The following PHIP variants were observed in gnomAD, a reference collection of about 807,000 sequenced individuals.
The protein encoded by PHIP is PH-interacting protein.
In PHIP, 54 loss-of-function variants were observed where a neutral mutation model predicts 236.8. The ratio of observed to expected loss-of-function variants is 0.23; its 90% confidence interval spans 0.18 to 0.29. The LOEUF (loss-of-function observed/expected upper bound fraction) is 0.29. Ranked by LOEUF, PHIP falls within the 10% of genes least tolerant of loss-of-function variation. The pLI is 1.00. For synonymous variants in PHIP, 756 were observed against 718.9 expected (o/e 1.05, Z -0.83); for missense variants, 1,370 against 2,190.8 (o/e 0.63, Z 7.48).
rs973599489 is a variant in PHIP at position 79,026,250 on chromosome 6, C to T, written c.601-86G>A. On this transcript the variant is annotated intron_variant, in intron 7 of 39. Transcript: ENST00000275034. ...CACTGATAAATCTACCTGTTCTGTC[C>T]ACTTCTGAACAAGTATATTTTTAAA... 1.8e-5 allele frequency: 16 copies of T among 901,482 alleles called. No individual in the cohort carries two copies. In the Middle Eastern group the frequency reaches 2.4e-3, roughly 134 times the overall value. The allele number at this position is 901,482 out of a possible 1,614,324, so 55.8% of individuals were successfully genotyped here.
chr6:78,988,406 T>C, intron 20 of PHIP, 57 bp from the exon 21 acceptor site: 2 of 1,323,284 alleles, frequency 1.5e-6, no homozygotes, highest in Non-Finnish European at 2.0e-6. Flanking sequence ...GGATTTTTAG[T>C]TTAAAAGTTA....
At chr6:79,075,805 G>A (rs1168290579) in intron 4 of PHIP, among the ~76,000 whole-genome samples, 3 of 152,086 alleles carry the variant, frequency 2.0e-5, no homozygotes, top group Admixed American at 2.0e-4. Context: ...GAGATGCACA[G>A]ATGTAAAAGC....
At chr6:79,043,061 C>T in intron 6 of PHIP, 58 bp from the exon 7 acceptor site, 3 of 1,420,146 alleles carry the variant, frequency 2.1e-6, no homozygotes, top group Non-Finnish European at 3.0e-6. Flanking sequence ...CTTACATGAT[C>T]ACCTTTTAAG....
At chr6:79,029,288 G>GAA (rs1224241701) in intron 7 of PHIP, among the ~76,000 whole-genome samples, 5 of 152,016 alleles carry the variant, frequency 3.3e-5, no homozygotes, top group Non-Finnish European at 7.4e-5. Flanking sequence ...TTTTCCAACA[G>GAA]AACTGCAAGC....
chr6:79,068,928 T>C (rs1010109468), intron 4 of PHIP, among the ~76,000 whole-genome samples: 2 of 152,058 alleles, frequency 1.3e-5, no homozygotes, highest in Non-Finnish European at 2.9e-5. Context: ...TTTGTCTAAC[T>C]AGGCTTTCAC....
chr6:78,985,055 T>G (rs1461879478), intron 22 of PHIP, among the ~76,000 whole-genome samples: 1 of 152,142 alleles, frequency 6.6e-6, no homozygotes, highest in Non-Finnish European at 1.5e-5. Flanking sequence ...CTTAACTTCA[T>G]ACTTTTCAAA....
At chr6:78,959,798 T>C (rs1766657502) in intron 31 of PHIP, among the ~76,000 whole-genome samples, 1 of 152,170 alleles carries the variant, frequency 6.6e-6, no homozygotes, top group Admixed American at 6.6e-5. Flanking sequence ...GAAATACAGA[T>C]GTTCCTCAAC....
chr6:78,954,770 G>A (rs1562121928), intron 35 of PHIP, 44 bp downstream of exon 35: 2 of 1,301,354 alleles, frequency 1.5e-6, no homozygotes, highest in Admixed American at 2.4e-5. Context: ...TAAAAGGTAT[G>A]TAGCAAACTG....
At chr6:79,074,652 T>C (rs1774061247) in intron 4 of PHIP, among the ~76,000 whole-genome samples, 1 of 152,140 alleles carries the variant, frequency 6.6e-6, no homozygotes, top group South Asian at 2.1e-4. Flanking sequence ...TTAAGGTAGA[T>C]GGTGATAATC....
intron 6 of PHIP, among the ~76,000 whole-genome samples, chr6:79,050,085 TTA>T (rs1220386523): frequency 1.3e-5 from 2 of 151,390 alleles, no homozygotes; most frequent in Admixed American, 6.6e-5. Context: ...TGGTTTAGAG[TTA>T]TGAGAGGTTT....
At chr6:78,971,165 T>A (rs1767517169) in intron 24 of PHIP, among the ~76,000 whole-genome samples, 1 of 152,204 alleles carries the variant, frequency 6.6e-6, no homozygotes, top group South Asian at 2.1e-4. Flanking sequence ...AATAAGTTAA[T>A]CTATGTTGCA....
chr6:79,041,662 C>T (rs1772221059), intron 7 of PHIP, among the ~76,000 whole-genome samples: 1 of 152,014 alleles, frequency 6.6e-6, no homozygotes, highest in Non-Finnish European at 1.5e-5. Flanking sequence ...TTTTCGATTA[C>T]TATTTGAGAG....
chr6:78,959,180 A>G lies in PHIP; in HGVS notation c.3657-580T>C, dbSNP rs76631199. Among the ~76,000 whole-genome samples, 1,343 of 152,300 alleles carry G rather than the reference A, an allele frequency of 8.8e-3. 21 individuals carry two copies. The highest frequency in any genetic ancestry group is 0.029 in the African/African-American group (1,216 of 41,586). ...ATGCTAAAATAAAATCTGGAGTTTT[A>G]CAATTTTATTTCTGAAAGTAAATAA... is the stretch of plus-strand genomic sequence containing the variant. On this transcript the variant is annotated intron_variant, in intron 31 of 39. Transcript: ENST00000275034.
intron 24 of PHIP, among the ~76,000 whole-genome samples, chr6:78,972,808 C>T (rs145115100): frequency 0.011 from 1,684 of 151,768 alleles, 14 homozygotes; most frequent in Non-Finnish European, 0.018. Flanking sequence ...TGAAATGAAG[C>T]GAGAAGGGAA....
rs1774046124 is a variant in PHIP at position 78,949,843 on chromosome 6, T to C, written c.4054-2068A>G. 2.6e-5 allele frequency among the ~76,000 whole-genome samples: 4 copies of C among 152,014 alleles called. 1 individual carries two copies. In the South Asian group the frequency reaches 6.3e-4, roughly 24 times the overall value. ...AGCTTGAACTATAGGTGCACGCCAC[T>C]GCACCCGGTTAATTTTTGTATTTTT... On this transcript the variant is annotated intron_variant, in intron 35 of 39. Coordinates refer to ENST00000275034, the MANE Select transcript of PHIP (RefSeq NM_017934.7).
Position 78,963,022 on chromosome 6 carries a change from T to C in PHIP, c.3535+75A>G, listed in dbSNP as rs910894717. 4 of 1,386,154 alleles carry C rather than the reference T, an allele frequency of 2.9e-6. No homozygotes were observed. The African/African-American group carries it at 5.9e-5, about 21-fold the overall frequency. The allele number at this position is 1,386,154 out of a possible 1,614,324, so 85.9% of individuals were successfully genotyped here. On this transcript the variant is annotated intron_variant, in intron 30 of 39. Transcript: ENST00000275034. ...AGGATATTGTGAAAAAAAATTTTTG[T>C]TGGAGAATAACAGTATTTTTCCATT...
chr6:78,946,786 T>A lies in PHIP; in HGVS notation c.4295A>T (p.His1432Leu). ...CCTTTTGGTTATGGTATTTCTTTTA[T>A]GAAAACGAAGAGCAGATTTATAATC... ...LSDYKSALRF[H>L]KRNTITKRRK... The change falls in exon 37 of 40, where the codon CAT (histidine) becomes CTT (leucine). Residue 1432 changes from histidine to leucine, a missense_variant. Coordinates refer to ENST00000275034, the MANE Select transcript of PHIP (RefSeq NM_017934.7). 1 of 1,594,296 alleles carries A rather than the reference T, an allele frequency of 6.3e-7. No homozygotes were observed. Among genetic ancestry groups the A allele is most frequent in the Non-Finnish European group, 8.5e-7 (1 of 1,172,000 alleles).
intron 6 of PHIP, among the ~76,000 whole-genome samples, chr6:79,048,262 T>C (rs950723285): frequency 3.5e-4 from 53 of 152,072 alleles, no homozygotes; most frequent in African/African-American, 1.2e-3. Flanking sequence ...GCTTTCTTCC[T>C]GTTGTTGGGC....
At chr6:79,017,417 G>T (rs764989117) in intron 11 of PHIP, 31 bp from the exon 12 acceptor site, 3 of 1,588,460 alleles carry the variant, frequency 1.9e-6, no homozygotes, top group African/African-American at 2.7e-5. Context: ...AAAAAAGTGG[G>T]TGCTGAATAT....
Sources: gnomAD v4.1 joint callset for allele counts (sites outside exome capture counted in the v4.1 genomes callset) on GRCh38, gnomAD v4.1.1 for gene constraint, MANE v1.5 for transcripts, NCBI Gene and HGNC (gene_info 2026-07-23, HGNC 2026-07-21) for gene names.